Variants in HERPUD2 observed in about 807,000 individuals in gnomAD.
HERPUD2 encodes homocysteine-responsive endoplasmic reticulum-resident ubiquitin-like domain member 2 protein.
Under a neutral mutation model 49.9 loss-of-function variants are expected in HERPUD2, and 13 were observed. The ratio of observed to expected loss-of-function variants is 0.26; its 90% CI spans 0.17 to 0.41. The LOEUF (loss-of-function observed/expected upper bound fraction) is 0.41. Ranked by LOEUF, HERPUD2 falls within the 10% of genes least tolerant of loss-of-function variation. The probability of loss-of-function intolerance (pLI) is 1.00; values close to 1 mark genes in which losing one functional copy is unlikely to be tolerated. For synonymous variants in HERPUD2, 172 were observed against 171.4 expected (o/e 1.00, Z -0.03); for missense variants, 449 against 492.2 (o/e 0.91, Z 0.83).
chr7:35,634,476 T>C (rs753731928), intron 7 of HERPUD2, 47 bp from the exon 8 acceptor site: 6 of 1,135,412 alleles, frequency 5.3e-6, no homozygotes, highest in Non-Finnish European at 6.6e-6. Flanking sequence ...CAGTTGTTTT[T>C]ATTTGTAACA....
At chr7:35,693,128 C>A (rs572043154) in intron 2 of HERPUD2, among the ~76,000 whole-genome samples, 2 of 152,324 alleles carry the variant, frequency 1.3e-5, no homozygotes, top group East Asian at 3.9e-4. Context: ...TGATTACCAA[C>A]CACGGCCTTT....
At chr7:35,636,696 T>C (rs1354794985) in intron 6 of HERPUD2, among the ~76,000 whole-genome samples, 5 of 152,110 alleles carry the variant, frequency 3.3e-5, no homozygotes, top group Admixed American at 3.3e-4. Context: ...AGCCTTAGGA[T>C]ACGAGGTTCA....
At chr7:35,651,904 C>G (rs1374557602) in intron 5 of HERPUD2, among the ~76,000 whole-genome samples, 2 of 152,062 alleles carry the variant, frequency 1.3e-5, no homozygotes, top group Non-Finnish European at 2.9e-5. Flanking sequence ...GAGTGAAAAT[C>G]ACCTGGTGAC....
chr7:35,663,604 T>A (rs945355197), intron 5 of HERPUD2, among the ~76,000 whole-genome samples: 3 of 152,240 alleles, frequency 2.0e-5, no homozygotes, highest in Non-Finnish European at 2.9e-5. Flanking sequence ...GGTGCATATA[T>A]ATTTAAGATA....
At chr7:35,637,484 G>T (rs1784890327) in intron 6 of HERPUD2, among the ~76,000 whole-genome samples, 2 of 152,174 alleles carry the variant, frequency 1.3e-5, no homozygotes, top group Non-Finnish European at 2.9e-5. Context: ...GGCACTTAAA[G>T]AACAGAGGAA....
chr7:35,661,547 C>A (rs1365922568), intron 5 of HERPUD2, among the ~76,000 whole-genome samples: 1 of 152,140 alleles, frequency 6.6e-6, no homozygotes, highest in Non-Finnish European at 1.5e-5. Context: ...TCTTTTATTT[C>A]GCTGAGCAGT....
At chr7:35,662,003 C>CT (rs1785434537) in intron 5 of HERPUD2, among the ~76,000 whole-genome samples, 1 of 152,166 alleles carries the variant, frequency 6.6e-6, no homozygotes, top group Non-Finnish European at 1.5e-5. Flanking sequence ...ATGATATTGG[C>CT]TGTGGGTGTG....
chr7:35,687,125 T>C (rs1045997367), intron 2 of HERPUD2, among the ~76,000 whole-genome samples: 1 of 152,086 alleles, frequency 6.6e-6, no homozygotes, highest in Non-Finnish European at 1.5e-5. Flanking sequence ...CTATAACAAA[T>C]CCCAAGATCT....
chr7:35,688,125 T>C (rs1300633477), intron 2 of HERPUD2, among the ~76,000 whole-genome samples: 1 of 152,130 alleles, frequency 6.6e-6, no homozygotes, highest in Non-Finnish European at 1.5e-5. Flanking sequence ...GTCACAAATA[T>C]CAAATAGCTT....
chr7:35,636,580 A>G (rs1297936584), intron 6 of HERPUD2, among the ~76,000 whole-genome samples: 1 of 152,214 alleles, frequency 6.6e-6, no homozygotes, highest in East Asian at 1.9e-4. Flanking sequence ...GGGGTACAGC[A>G]TCCAGCAGAG....
intron 5 of HERPUD2, among the ~76,000 whole-genome samples, chr7:35,657,941 A>G (rs1054795132): frequency 2.6e-5 from 4 of 151,878 alleles, no homozygotes; most frequent in African/African-American, 9.7e-5. Context: ...AAAGAAAAAA[A>G]CCACTACACA....
intron 5 of HERPUD2, among the ~76,000 whole-genome samples, chr7:35,661,684 T>C (rs1785425514): frequency 1.3e-5 from 2 of 152,180 alleles, no homozygotes; most frequent in African/African-American, 4.8e-5. Context: ...CTGTCTGTTA[T>C]TGGTGTATAG....
chr7:35,690,821 A>C (rs1786166178), intron 2 of HERPUD2, among the ~76,000 whole-genome samples: 1 of 150,246 alleles, frequency 6.7e-6, no homozygotes, highest in Non-Finnish European at 1.5e-5. Flanking sequence ...AAAAAAAAAA[A>C]GAACGGTATA....
chr7:35,635,040 CT>C, intron 7 of HERPUD2, 94 bp downstream of exon 7: 1 of 856,924 alleles, frequency 1.2e-6, no homozygotes, highest in South Asian at 1.8e-5. Context: ...ATTCATATTC[CT>C]TCACTCAACA....
intron 2 of HERPUD2, among the ~76,000 whole-genome samples, chr7:35,691,831 G>A (rs151224927): frequency 4.6e-5 from 7 of 152,056 alleles, no homozygotes; most frequent in Non-Finnish European, 5.9e-5. Context: ...ATGGCTTTGC[G>A]ATACCATTAA....
intron 5 of HERPUD2, among the ~76,000 whole-genome samples, chr7:35,664,271 A>T (rs1253999253): frequency 1.3e-5 from 2 of 152,184 alleles, no homozygotes; most frequent in Non-Finnish European, 2.9e-5. Context: ...TATTAGTCTG[A>T]TGGGTTTCCC....
In HERPUD2 at chr7:35,651,113, C is replaced by A. The variant is rs561094448; in HGVS notation, c.495-12641G>T. Among the ~76,000 whole-genome samples the A allele has an allele frequency of 4.6e-5, 7 of 152,332 alleles. No homozygotes were observed. The South Asian group carries it at 1.4e-3, about 32-fold the overall frequency. On this transcript the variant is annotated intron_variant, in intron 5 of 8. Coordinates refer to ENST00000311350, the MANE Select transcript of HERPUD2 (RefSeq NM_022373.5). ...CCCACCCAACCCATTGCAGTCATCA[C>A]CAACACCACCACAGACTGCTTGGGA... is the stretch of plus-strand genomic sequence containing the variant.
In HERPUD2 at chr7:35,667,453, A is replaced by G. The variant is rs367625018; in HGVS notation, c.475T>C (p.Phe159Leu). ...ACTTACCCTTGCATTACATATGGAA[A>G]CTGGTGACTCTGTGCTTGGTCAGTT... ...AQTDQAQSHQFPYVMQGNVDN... is the reference protein window; with the variant it reads ...AQTDQAQSHQLPYVMQGNVDN... Residue 159 changes from phenylalanine to leucine, a missense_variant, in exon 5 of 9, where the codon TTT becomes CTT. Physicochemically the swap from Phe to Leu is conservative, Grantham distance 22. Coordinates refer to ENST00000311350, the MANE Select transcript of HERPUD2 (RefSeq NM_022373.5). 3.1e-4 allele frequency: 508 copies of G among 1,613,234 alleles called. No homozygotes were observed. The highest frequency in any genetic ancestry group is 4.2e-4 in the Non-Finnish European group (499 of 1,179,386).
chr7:35,632,951 T>C lies in HERPUD2; in HGVS notation c.*739A>G, dbSNP rs573149303. The C allele has an allele frequency of 6.5e-5, 10 of 152,678 alleles. No homozygotes were observed. In the South Asian group the frequency reaches 2.1e-3, roughly 32 times the overall value. The allele number at this position is 152,678 out of a possible 1,614,324, so 9.5% of individuals were successfully genotyped here. A position where few individuals can be genotyped will look rare whatever the true frequency, so the allele number is the denominator to read the frequency against. On this transcript the variant is annotated 3_prime_UTR_variant, in exon 9 of 9. Transcript: ENST00000311350. ...GTAAATAATATTCTTTATTAAAAAC[T>C]ATGAGGTCATTCTGTTTAAAACTTT...
Sources: gnomAD v4.1 joint callset for allele counts (sites outside exome capture counted in the v4.1 genomes callset) on GRCh38, gnomAD v4.1.1 for gene constraint, MANE v1.5 for transcripts, NCBI Gene and HGNC (gene_info 2026-07-23, HGNC 2026-07-21) for gene names.